ABTB3: variants seen among roughly 807,000 people sequenced by gnomAD.
The protein encoded by ABTB3 is ankyrin repeat- and BTB/POZ domain-containing protein 3.
the ABTB3 span, among the ~76,000 whole-genome samples, chr12:107,628,468 A>G: frequency 1.3e-5 from 2 of 152,314 alleles, no homozygotes; most frequent in East Asian, 3.9e-4. Context: ...ACATGGATTA[A>G]GATAGAGAGC....
At chr12:107,389,129 A>G in the ABTB3 span, among the ~76,000 whole-genome samples, 3 of 152,236 alleles carry the variant, frequency 2.0e-5, no homozygotes, top group South Asian at 2.1e-4. Flanking sequence ...TCACAAGCTT[A>G]TTTTGAATAC....
At chr12:107,651,966 C>A in the ABTB3 span, among the ~76,000 whole-genome samples, 1 of 152,256 alleles carries the variant, frequency 6.6e-6, no homozygotes, top group African/African-American at 2.4e-5. Flanking sequence ...TTCCACCTCC[C>A]CTCCAGAACA....
chr12:107,355,150 G>A, the ABTB3 span, among the ~76,000 whole-genome samples: 3 of 152,186 alleles, frequency 2.0e-5, no homozygotes, highest in Admixed American at 6.5e-5. Flanking sequence ...GAGATCTTTC[G>A]CATGTCTCCC....
At chr12:107,414,716 C>CTTTTTTTTTTTTTT in the ABTB3 span, among the ~76,000 whole-genome samples, 4 of 144,782 alleles carry the variant, frequency 2.8e-5, no homozygotes, top group East Asian at 2.1e-4. Flanking sequence ...CTTTTCTTTT[C>CTTTTTTTTTTTTTT]TTTTTCTTTT....
chr12:107,609,653 C>A, the ABTB3 span, among the ~76,000 whole-genome samples: 1 of 152,226 alleles, frequency 6.6e-6, no homozygotes, highest in Non-Finnish European at 1.5e-5. Flanking sequence ...AGTCCCCAGC[C>A]TAGAGCAGGC....
chr12:107,619,962 C>T, the ABTB3 span: 1 of 1,577,376 alleles, frequency 6.3e-7, no homozygotes, highest in Non-Finnish European at 8.6e-7. Flanking sequence ...CTGCCACCTT[C>T]CCTGGCTCCT....
At chr12:107,558,581 C>A in the ABTB3 span, among the ~76,000 whole-genome samples, 1 of 152,120 alleles carries the variant, frequency 6.6e-6, no homozygotes, top group Non-Finnish European at 1.5e-5. Context: ...AAGCAAAATC[C>A]AAATGCCTCT....
the ABTB3 span, among the ~76,000 whole-genome samples, chr12:107,587,088 C>T: frequency 6.6e-6 from 1 of 152,188 alleles, no homozygotes; most frequent in African/African-American, 2.4e-5. Context: ...AGAGAGAGAG[C>T]ATAGGGCTCA....
chr12:107,405,321 G>C, the ABTB3 span, among the ~76,000 whole-genome samples: 1 of 152,258 alleles, frequency 6.6e-6, no homozygotes, highest in Non-Finnish European at 1.5e-5. Flanking sequence ...ACTTAGAGCA[G>C]TGTTACCTTG....
the ABTB3 span, among the ~76,000 whole-genome samples, chr12:107,361,777 A>G: frequency 6.6e-6 from 1 of 152,146 alleles, no homozygotes; most frequent in Admixed American, 6.5e-5. Context: ...CATGGCTGCT[A>G]TCGATTGGAG....
At chr12:107,439,034 G>A in the ABTB3 span, among the ~76,000 whole-genome samples, 4 of 152,262 alleles carry the variant, frequency 2.6e-5, no homozygotes, top group East Asian at 7.7e-4. Context: ...TATTCTGGTT[G>A]TTAACAGCCA....
chr12:107,610,007 C>T, the ABTB3 span: 5 of 667,654 alleles, frequency 7.5e-6, no homozygotes, highest in East Asian at 1.4e-4. Context: ...TAGACAGATT[C>T]ACAGCAGTCA....
At chr12:107,520,010 A>G in the ABTB3 span, among the ~76,000 whole-genome samples, 5 of 152,192 alleles carry the variant, frequency 3.3e-5, no homozygotes, top group Non-Finnish European at 4.4e-5. Flanking sequence ...CTTGTCAAAC[A>G]GGTAACAGCC....
At chr12:107,434,674 G>A in the ABTB3 span, among the ~76,000 whole-genome samples, 1 of 152,074 alleles carries the variant, frequency 6.6e-6, no homozygotes, top group African/African-American at 2.4e-5. Context: ...ACCAGTCTGG[G>A]CAATGAAGTG....
At chr12:107,492,731 A>G in the ABTB3 span, among the ~76,000 whole-genome samples, 1 of 152,052 alleles carries the variant, frequency 6.6e-6, no homozygotes, top group African/African-American at 2.4e-5. Context: ...AATCAACCAC[A>G]TTTAACCCAA....
At chr12:107,360,212 G>A in the ABTB3 span, among the ~76,000 whole-genome samples, 1 of 152,192 alleles carries the variant, frequency 6.6e-6, no homozygotes, top group Non-Finnish European at 1.5e-5. Flanking sequence ...GGCTTCCCAG[G>A]GGAGGTGATA....
At chr12:107,600,350 A>G in the ABTB3 span, among the ~76,000 whole-genome samples, 3 of 152,258 alleles carry the variant, frequency 2.0e-5, no homozygotes, top group African/African-American at 7.2e-5. Context: ...GTGAGCTATT[A>G]TATGTGAAAT....
At chr12:107,383,100 T>C in the ABTB3 span, among the ~76,000 whole-genome samples, 959 of 152,276 alleles carry the variant, frequency 6.3e-3, 18 homozygotes, top group African/African-American at 0.021. Context: ...AGGCCCACTC[T>C]GAGGATCATT....
the ABTB3 span, chr12:107,617,556 G>T: frequency 7.3e-7 from 1 of 1,364,070 alleles, no homozygotes; most frequent in Non-Finnish European, 9.8e-7. Context: ...AGTGTGAAGT[G>T]GTCCAGGCCC....
Sources: gnomAD v4.1 joint callset for allele counts (sites outside exome capture counted in the v4.1 genomes callset) on GRCh38, gnomAD v4.1.1 for gene constraint, MANE v1.5 for transcripts, NCBI Gene and HGNC (gene_info 2026-07-23, HGNC 2026-07-21) for gene names.